The following ESF1 variants were observed in gnomAD, a reference collection of about 807,000 sequenced individuals.
The protein encoded by ESF1 is ESF1 nucleolar pre-rRNA processing protein.
A neutral mutation model predicts 92.0 loss-of-function variants in ESF1; 58 were observed. That is an observed-to-expected ratio of 0.63 (90% confidence interval 0.51 to 0.78). ESF1 has a LOEUF of 0.78. Among genes scored for constraint, ESF1 ranks in the 30% least tolerant of loss-of-function variants. The probability of loss-of-function intolerance (pLI) is 0.00; values close to 1 mark genes in which losing one functional copy is unlikely to be tolerated. For synonymous variants in ESF1, 321 were observed against 313.7 expected, an observed-to-expected ratio of 1.02 and a Z score of -0.24; for missense variants, 922 against 989.1, an observed-to-expected ratio of 0.93 and a Z score of 0.91.
rs1014808768 is a variant in ESF1, at chr20:13,745,254, A to G, written c.1829-11412T>C. Among the ~76,000 whole-genome samples the G allele has an allele frequency of 4.3e-4, 65 of 152,334 alleles. 1 individual carries two copies. The highest frequency in any genetic ancestry group is 5.0e-4 in the Non-Finnish European group (34 of 68,028). On this transcript the variant is annotated intron_variant, in intron 9 of 13. Transcript: ENST00000617257. ...AAGAAATTCTACATGTATCCAAGAA[A>G]TTCCATGCGTATCTTCGTGATACAT...
intron 9 of ESF1, among the ~76,000 whole-genome samples, chr20:13,739,875 A>T (rs1418014782): frequency 6.6e-6 from 1 of 152,142 alleles, no homozygotes; most frequent in African/African-American, 2.4e-5. Flanking sequence ...CAGAGTTTGA[A>T]GCCTGATCAC....
At chr20:13,759,993 G>C in intron 8 of ESF1, 140 bp from the exon 9 acceptor site, 1 of 1,327,978 alleles carries the variant, frequency 7.5e-7, no homozygotes, top group South Asian at 1.7e-5. Flanking sequence ...AATATTAAAT[G>C]AAAGACTTAG....
intron 5 of ESF1, among the ~76,000 whole-genome samples, chr20:13,771,931 T>C (rs1471770541): frequency 6.8e-6 from 1 of 147,950 alleles, no homozygotes; most frequent in Non-Finnish European, 1.5e-5. Context: ...TTTTTTTTTT[T>C]TAAGGTTCCA....
chr20:13,732,291 T>A (rs1211378329), intron 10 of ESF1, among the ~76,000 whole-genome samples: 1 of 152,152 alleles, frequency 6.6e-6, no homozygotes, highest in African/African-American at 2.4e-5. Flanking sequence ...GTCACAGAAG[T>A]CTTCTTCTGT....
At chr20:13,729,535 G>A (rs531227156) in intron 10 of ESF1, among the ~76,000 whole-genome samples, 25 of 152,310 alleles carry the variant, frequency 1.6e-4, no homozygotes, top group East Asian at 5.8e-4. Flanking sequence ...AGTGATGGGA[G>A]GTGGCATTTT....
chr20:13,732,179 C>T (rs549667431), intron 10 of ESF1, among the ~76,000 whole-genome samples: 1 of 152,230 alleles, frequency 6.6e-6, no homozygotes, highest in South Asian at 2.1e-4. Context: ...ACCGAGCCCC[C>T]AATCTATGGG....
At chr20:13,755,935 C>G (rs1978872231) in intron 9 of ESF1, among the ~76,000 whole-genome samples, 1 of 152,102 alleles carries the variant, frequency 6.6e-6, no homozygotes, top group East Asian at 1.9e-4. Context: ...ACTTATTTTC[C>G]TGAAGAGGTT....
Position 13,775,285 on chromosome 20 carries a change from G to C in ESF1, c.1036-15C>G, listed in dbSNP as rs781436500. The C allele has an allele frequency of 2.1e-6, 3 of 1,443,682 alleles. No individual in the cohort carries two copies. Among genetic ancestry groups the C allele is most frequent in the African/African-American group, 2.8e-5 (2 of 70,534 alleles). 89.4% of individuals were successfully genotyped at this position (1,443,682 alleles called of 1,614,324 possible). A position where few individuals can be genotyped will look rare whatever the true frequency, so the allele number is the denominator to read the frequency against. On this transcript the variant is annotated splice_polypyrimidine_tract_variant and intron_variant, in intron 3 of 13. Coordinates refer to ENST00000617257, the MANE Select transcript of ESF1 (RefSeq NM_001276380.2). The stretch of plus-strand genomic sequence containing the variant: ...CGACGTGTAATCTGAGAAATGAGAA[G>C]AATTAAATAGTACATAATCCATATC...
intron 9 of ESF1, among the ~76,000 whole-genome samples, chr20:13,739,721 CAAAAAA>C (rs112560154): frequency 4.6e-4 from 36 of 77,940 alleles, no homozygotes; most frequent in African/African-American, 1.4e-3. Flanking sequence ...TAAGAAAGTT[CAAAAAA>C]AAAAAAAAAA....
chr20:13,744,542 T>C (rs1439437391), intron 9 of ESF1, among the ~76,000 whole-genome samples: 1 of 152,212 alleles, frequency 6.6e-6, no homozygotes, highest in Non-Finnish European at 1.5e-5. Context: ...CCTTTGTGAT[T>C]TGGCTGCCTC....
intron 13 of ESF1, 109 bp downstream of exon 13, chr20:13,717,259 C>A: frequency 1.5e-6 from 2 of 1,338,492 alleles, no homozygotes; most frequent in Non-Finnish European, 2.1e-6. Context: ...TGCACCGGGC[C>A]CCTAAGACAT....
At chr20:13,777,200 G>C (rs1979981472) in intron 2 of ESF1, among the ~76,000 whole-genome samples, 1 of 152,208 alleles carries the variant, frequency 6.6e-6, no homozygotes, top group Non-Finnish European at 1.5e-5. Context: ...TTGGGTGGCA[G>C]TATGTATGCA....
At chr20:13,776,353 C>T (rs1979942652) in intron 2 of ESF1, 83 bp from the exon 3 acceptor site, 4 of 1,284,268 alleles carry the variant, frequency 3.1e-6, no homozygotes, top group South Asian at 1.5e-5. Context: ...ACATCAACTC[C>T]AGTAAAAATA....
chr20:13,757,549 C>A (rs771403552), intron 9 of ESF1, among the ~76,000 whole-genome samples: 7 of 152,136 alleles, frequency 4.6e-5, no homozygotes, highest in Non-Finnish European at 8.8e-5. Context: ...CAGGCGTGTG[C>A]CACCATGCCC....
intron 1 of ESF1, 43 bp downstream of exon 1, chr20:13,784,837 C>T (rs1357683761): frequency 6.9e-6 from 4 of 583,166 alleles, no homozygotes; most frequent in Non-Finnish European, 1.2e-5. Flanking sequence ...CGCCCTCAAG[C>T]CCTTCATCTC....
At chr20:13,753,883 C>G (rs1335781962) in intron 9 of ESF1, among the ~76,000 whole-genome samples, 1 of 152,180 alleles carries the variant, frequency 6.6e-6, no homozygotes, top group Non-Finnish European at 1.5e-5. Flanking sequence ...TAAATAACTT[C>G]CACATGCTTA....
At chr20:13,767,825 T>C (rs987739910) in intron 7 of ESF1, among the ~76,000 whole-genome samples, 2 of 152,190 alleles carry the variant, frequency 1.3e-5, no homozygotes, top group African/African-American at 4.8e-5. Flanking sequence ...TGCCAGATAT[T>C]TTATCTTCAT....
Position 13,715,177 on chromosome 20 carries a change from CA to C in ESF1, c.2263-11del, listed in dbSNP as rs372853781. Reference sequence around the variant, plus strand: ...CATCGTTAACATTTACCTGCAAATCCAAAAAAAAAAAAAATTAATAAATTAA... The same window carrying C: ...CATCGTTAACATTTACCTGCAAATCCAAAAAAAAAAAAATTAATAAATTAA... On this transcript the variant is annotated splice_polypyrimidine_tract_variant and intron_variant, in intron 13 of 13. Transcript: ENST00000617257. 137,201 of 946,280 alleles carry C rather than the reference CA, an allele frequency of 0.14. 5 individuals are homozygous for C. The highest frequency in any genetic ancestry group is 0.2 in the East Asian group (4,882 of 24,984). The allele number at this position is 946,280 out of a possible 1,614,324, so 58.6% of individuals were successfully genotyped here.
chr20:13,728,534 A>G (rs1324212350), intron 10 of ESF1, 69 bp from the exon 11 acceptor site: 5 of 1,203,810 alleles, frequency 4.2e-6, no homozygotes, highest in Non-Finnish European at 5.9e-6. Context: ...ATACCAAGAA[A>G]AACTATGCAT....
Sources: allele counts gnomAD v4.1 joint callset (sites outside exome capture counted in the v4.1 genomes callset), GRCh38; gene constraint gnomAD v4.1.1; transcripts MANE v1.5; gene names NCBI Gene and HGNC (gene_info 2026-07-23, HGNC 2026-07-21).